STAB1: variants seen among roughly 807,000 people sequenced by gnomAD.
The protein encoded by STAB1 is stabilin-1.
Under a neutral mutation model 332.4 loss-of-function variants are expected in STAB1, and 250 were observed. That is an observed-to-expected ratio of 0.75 (90% confidence interval 0.68 to 0.84). The LOEUF is 0.84. STAB1 is among the 40% of genes least tolerant of loss of function. The pLI is 0.00. For synonymous variants in STAB1, 1,475 were observed against 1,390.4 expected (o/e 1.06, Z -1.35); for missense variants, 3,249 against 3,489.7 (o/e 0.93, Z 1.74).
chr3:52,501,916 A>G (rs1578355265), intron 3 of STAB1, 90 bp from the exon 4 acceptor site: 1 of 1,511,712 alleles, frequency 6.6e-7, no homozygotes, highest in Non-Finnish European at 9.1e-7. Context: ...TCCTTGGGGG[A>G]GGGGCCGAGT....
At chr3:52,517,708 G>T (rs2078921615) in intron 44 of STAB1, 84 bp downstream of exon 44, 3 of 1,552,640 alleles carry the variant, frequency 1.9e-6, no homozygotes, top group African/African-American at 2.7e-5. Context: ...CCTCCAGCAG[G>T]GTCCTAAGGG....
chr3:52,499,898 CA>C (rs4045133), intron 1 of STAB1, among the ~76,000 whole-genome samples: 23 of 37,074 alleles, frequency 6.2e-4, no homozygotes, highest in African/African-American at 2.3e-3. Flanking sequence ...GACTCCATCT[CA>C]AAAAAAAAAA....
chr3:52,523,928 G>A lies in STAB1; in HGVS notation c.7453G>A (p.Ala2485Thr), dbSNP rs774443134. 1 of 1,609,902 alleles carries A rather than the reference G, an allele frequency of 6.2e-7. No individual in the cohort carries two copies. Among genetic ancestry groups the A allele is most frequent in the Non-Finnish European group, 8.5e-7 (1 of 1,179,866 alleles). ...PVAAGVGAVL[A>T]AGALLGLVAG... is the part of the protein sequence containing the mutation. ...GGCGGCAGGCGTGGGGGCTGTGCTTGCCGCTGGAGCACTGCTTGGCTTGGT... is the reference window on the plus strand; with the variant it reads ...GGCGGCAGGCGTGGGGGCTGTGCTTACCGCTGGAGCACTGCTTGGCTTGGT... Residue 2485 changes from alanine (A) to threonine (T), a missense_variant, in exon 67 of 69, where the codon GCC becomes ACC. Ala to Thr is a moderately conservative substitution (Grantham distance 58). Coordinates refer to ENST00000321725, the MANE Select transcript of STAB1 (RefSeq NM_015136.3).
At chr3:52,521,808 C>T (rs80140864) in intron 57 of STAB1, 36 bp from the exon 58 acceptor site, 27,184 of 1,594,554 alleles carry the variant, frequency 0.017, 287 homozygotes, top group South Asian at 0.03. Context: ...AAGGCAACTA[C>T]TAACCTGGTT....
At chr3:52,517,271 A>C in intron 42 of STAB1, 49 bp from the exon 43 acceptor site, 3 of 1,424,524 alleles carry the variant, frequency 2.1e-6, no homozygotes, top group Non-Finnish European at 2.8e-6. Context: ...GGACAGAGGA[A>C]GGGGGGGGCC....
rs755747297 is a variant in STAB1 at position 52,520,534 on chromosome 3, C to G, written c.5634C>G (p.Thr1878=). 8 of 1,611,616 alleles carry G rather than the reference C, an allele frequency of 5.0e-6. No homozygotes were observed. In the South Asian group the frequency reaches 8.8e-5, roughly 18 times the overall value. ...GLGARCDHFE[T]RPLRLNTCSI... The stretch of plus-strand genomic sequence containing the variant: ...GTGCTCGCTGTGACCACTTTGAGAC[C>G]CGGCCCCTGCGACTGGTGAGGGAGG... The change falls in exon 53 of 69, where the codon ACC becomes ACG. Residue 1878 remains threonine (T), a synonymous_variant. Transcript: ENST00000321725.
Position 52,512,398 on chromosome 3 carries a change from G to A in STAB1, c.2941G>A (p.Gly981Arg), listed in dbSNP as rs1709362458. Residue 981 changes from glycine (G) to arginine (R), a missense_variant, in exon 27 of 69, where the codon GGG becomes AGG. Gly to Arg is a moderately radical substitution (Grantham distance 125). Transcript: ENST00000321725. ...GGTCTGCACGTGCCCCCCTGGCTTT[G>A]GGGGTGATGGCTTCAGCTGTTATGG... ...QRVCTCPPGF[G>R]GDGFSCYGDI... The A allele has an allele frequency of 6.2e-7, 1 of 1,610,180 alleles. No individual in the cohort carries two copies. The highest frequency in any genetic ancestry group is 1.3e-5 in the African/African-American group (1 of 74,572).
Position 52,513,882 on chromosome 3 carries a change from G to C in STAB1, c.3349-1G>C, listed in dbSNP as rs778147474. On this transcript the variant is annotated splice_acceptor_variant, in intron 31 of 68. Coordinates refer to ENST00000321725, the MANE Select transcript of STAB1 (RefSeq NM_015136.3). LOFTEE classifies it high-confidence loss of function. ...TGACCAGGCCCTGTGCTCTGTACCA[G>C]GTCTTACTGCCCCCCCGAGGGGATG... 2 of 1,606,568 alleles carry C rather than the reference G, an allele frequency of 1.2e-6. No homozygotes were observed. The highest frequency in any genetic ancestry group is 4.5e-5 in the East Asian group (2 of 44,676).
At chr3:52,506,451 G>A (rs965997352) in intron 17 of STAB1, among the ~76,000 whole-genome samples, 2 of 152,242 alleles carry the variant, frequency 1.3e-5, no homozygotes, top group African/African-American at 2.4e-5. Context: ...CTCCAAAAAG[G>A]AGCATGGAGC....
chr3:52,513,126 T>C lies in STAB1; in HGVS notation c.3159-4T>C, dbSNP rs1354249211. 6.4e-7 allele frequency: 1 copy of C among 1,562,572 alleles called. No homozygotes were observed. Among genetic ancestry groups the C allele is most frequent in the East Asian group, 2.4e-5 (1 of 42,472 alleles). The stretch of plus-strand genomic sequence containing the variant: ...CATGACCCCCCTAAACTGTGCCCTG[T>C]CAGGGCCCATTTTCTCCAGGGTGCC... On this transcript the variant is annotated splice_polypyrimidine_tract_variant and splice_region_variant and intron_variant, in intron 29 of 68. Coordinates refer to ENST00000321725, the MANE Select transcript of STAB1 (RefSeq NM_015136.3).
intron 26 of STAB1, 39 bp downstream of exon 26, chr3:52,511,784 C>T (rs1171928369): frequency 1.3e-6 from 2 of 1,495,098 alleles, no homozygotes; most frequent in Non-Finnish European, 9.1e-7. Context: ...GGGAAGCTTT[C>T]TGGGGTGAGC....
intron 21 of STAB1, among the ~76,000 whole-genome samples, chr3:52,508,852 A>G (rs1006564757): frequency 3.5e-5 from 2 of 56,812 alleles, no homozygotes; most frequent in African/African-American, 6.2e-5. Context: ...AATAATAATA[A>G]TAGATAGATA....
rs2079041096 is a variant in STAB1, at chr3:52,520,627, C to T, written c.5650-15C>T. On this transcript the variant is annotated splice_polypyrimidine_tract_variant and intron_variant, in intron 53 of 68. Transcript: ENST00000321725. Reference sequence around the variant, plus strand: ...ATCCACCTGACTTTGCTGTATTGGCCTCCCTCCCTTCCAGAACACCTGCAG... The same window carrying T: ...ATCCACCTGACTTTGCTGTATTGGCTTCCCTCCCTTCCAGAACACCTGCAG... The T allele has an allele frequency of 1.2e-6, 2 of 1,612,764 alleles. No individual in the cohort carries two copies. The highest frequency in any genetic ancestry group is 2.7e-5 in the African/African-American group (2 of 74,902).
intron 68 of STAB1, 28 bp downstream of exon 68, chr3:52,524,241 A>AGAT (rs769435294): frequency 8.7e-6 from 14 of 1,613,906 alleles, no homozygotes; most frequent in Non-Finnish European, 1.2e-5. Flanking sequence ...GAAGTGTGGC[A>AGAT]GATGTGGGAT....
At chr3:52,524,266 G>A (rs1446333171) in intron 68 of STAB1, 34 bp from the exon 69 acceptor site, 9 of 1,613,794 alleles carry the variant, frequency 5.6e-6, no homozygotes, top group Non-Finnish European at 6.8e-6. Flanking sequence ...CCAGGCCCTG[G>A]TCACACCCTC....
Position 52,518,352 on chromosome 3 carries a change from G to C in STAB1, c.4802G>C (p.Arg1601Pro). ...RDKHASFFSL[R>P]LLEYKELKGD... Reference sequence around the variant, plus strand: ...AAGCATGCCTCATTCTTCAGCCTCCGCCTCCTGGTGAGTGGCCAGCTTGGG... The same window carrying C: ...AAGCATGCCTCATTCTTCAGCCTCCCCCTCCTGGTGAGTGGCCAGCTTGGG... Residue 1601 changes from arginine (R) to proline (P), a missense_variant, in exon 46 of 69, where the codon CGC becomes CCC. Physicochemically the swap from Arg to Pro is moderately radical, Grantham distance 103. Coordinates refer to ENST00000321725, the MANE Select transcript of STAB1 (RefSeq NM_015136.3). The C allele has an allele frequency of 6.2e-7, 1 of 1,612,394 alleles. No homozygotes were observed. The highest frequency in any genetic ancestry group is 8.5e-7 in the Non-Finnish European group (1 of 1,179,808).
intron 48 of STAB1, 75 bp downstream of exon 48, chr3:52,518,944 C>T (rs1256505716): frequency 1.9e-5 from 22 of 1,172,330 alleles, no homozygotes; most frequent in Non-Finnish European, 2.3e-5. Context: ...CCAGGCCCCA[C>T]GGCCCACGCA....
At chr3:52,510,801 C>T (rs1049645341) in intron 25 of STAB1, among the ~76,000 whole-genome samples, 2 of 152,204 alleles carry the variant, frequency 1.3e-5, no homozygotes, top group Non-Finnish European at 2.9e-5. Flanking sequence ...GTGACCTCCC[C>T]AAAACTTTAG....
At position 52,520,291 on chromosome 3, in the gene STAB1, G is replaced by A. The variant is rs747600867; in HGVS notation, c.5499+1G>A. On this transcript the variant is annotated splice_donor_variant, in intron 52 of 68. Transcript: ENST00000321725. LOFTEE classifies it high-confidence loss of function. ...TTTCTCCTGCAGCCGAACGCGGGCC[G>A]TGAGTCTGGGGAGAGGGCTTGGATG... 21 of 1,612,938 alleles carry A rather than the reference G, an allele frequency of 1.3e-5. No homozygotes were observed. The highest frequency in any genetic ancestry group is 4.5e-5 in the East Asian group (2 of 44,892).
Sources: allele counts gnomAD v4.1 joint callset (sites outside exome capture counted in the v4.1 genomes callset), GRCh38; gene constraint gnomAD v4.1.1; transcripts MANE v1.5; gene names NCBI Gene and HGNC (gene_info 2026-07-23, HGNC 2026-07-21).